The following XCR1 variants were observed in gnomAD, a reference collection of about 807,000 sequenced individuals.
The protein encoded by XCR1 is X-C motif chemokine receptor 1.
For missense variants in XCR1, 356 were observed against 424.2 expected (o/e 0.84, Z 1.41); for synonymous variants, 187 against 188.5 (o/e 0.99, Z 0.06).
intron 1 of XCR1, 125 bp from the exon 2 acceptor site, chr3:46,022,103 C>A: frequency 2.4e-6 from 2 of 827,558 alleles, no homozygotes; most frequent in South Asian, 2.0e-5. Context: ...AGTTTGAGAC[C>A]ATCCCAGGCA....
chr3:46,028,654 T>C (rs1708344407), upstream of XCR1, among the ~76,000 whole-genome samples: 1 of 151,804 alleles, frequency 6.6e-6, no homozygotes, highest in Admixed American at 6.6e-5. Context: ...TTCAGTGGCA[T>C]GATCAGCTCA....
chr3:46,029,402 C>T (rs1366099786), upstream of XCR1, among the ~76,000 whole-genome samples: 2 of 152,096 alleles, frequency 1.3e-5, no homozygotes, highest in African/African-American at 4.8e-5. Context: ...ACCATGTTTC[C>T]CAGGCTGGTC....
At chr3:46,023,312 G>C in intron 1 of XCR1, 1 of 928,488 alleles carries the variant, frequency 1.1e-6, no homozygotes, top group Non-Finnish European at 1.7e-6. Flanking sequence ...GTAATGGAAG[G>C]ACCCCTCAAC....
chr3:46,053,011 T>C (rs1043320075), intron 5 of XCR1, among the ~76,000 whole-genome samples: 2 of 152,214 alleles, frequency 1.3e-5, no homozygotes, highest in Non-Finnish European at 1.5e-5. Context: ...CATTACCCAA[T>C]AGCATATCCT....
At chr3:46,059,813 T>C (rs774142480) in intron 4 of XCR1, among the ~76,000 whole-genome samples, 8 of 152,240 alleles carry the variant, frequency 5.3e-5, no homozygotes, top group Non-Finnish European at 1.0e-4. Context: ...GAAGAATGGA[T>C]ATCTACAGCT....
intron 5 of XCR1, among the ~76,000 whole-genome samples, chr3:46,052,381 AG>A (rs560776101): frequency 8.7e-4 from 132 of 152,218 alleles, no homozygotes; most frequent in African/African-American, 2.9e-3. Context: ...ATTTCCCAAC[AG>A]GGGGGTGCCA....
Position 46,020,916 on chromosome 3 carries a change from T to C in XCR1, c.*30A>G. 1 of 1,595,184 alleles carries C rather than the reference T, an allele frequency of 6.3e-7. No homozygotes were observed. Among genetic ancestry groups the C allele is most frequent in the Non-Finnish European group, 8.5e-7 (1 of 1,170,472 alleles). Reference sequence around the variant, plus strand: ...ACCCCCATTCCAGTCCCTGTCCACCTGCACCTGCGCCTGCACCGCCACAGG... The same window carrying C: ...ACCCCCATTCCAGTCCCTGTCCACCCGCACCTGCGCCTGCACCGCCACAGG... On this transcript the variant is annotated 3_prime_UTR_variant, in exon 2 of 2. Transcript: ENST00000309285.
chr3:46,028,648 G>A (rs1575412285), upstream of XCR1, among the ~76,000 whole-genome samples: 2 of 150,490 alleles, frequency 1.3e-5, no homozygotes, highest in South Asian at 4.2e-4. Context: ...CCTGAATTCA[G>A]TGGCATGATC....
chr3:46,032,851 A>C (rs892018385), intron 5 of XCR1, among the ~76,000 whole-genome samples: 3 of 152,196 alleles, frequency 2.0e-5, no homozygotes, highest in African/African-American at 7.2e-5. Flanking sequence ...CCTCATTGAC[A>C]TTTTAATTTG....
chr3:46,041,786 A>T (rs1697541045), intron 5 of XCR1, among the ~76,000 whole-genome samples: 1 of 152,244 alleles, frequency 6.6e-6, no homozygotes, highest in Non-Finnish European at 1.5e-5. Context: ...TCACCAGATC[A>T]TAGTATTCAG....
intron 1 of XCR1, among the ~76,000 whole-genome samples, chr3:46,079,337 G>GA (rs1698316743): frequency 6.6e-6 from 1 of 152,040 alleles, no homozygotes; most frequent in African/African-American, 2.4e-5. Flanking sequence ...GCACAATAGA[G>GA]AAAAAAGCTG....
At chr3:46,052,129 TA>T (rs1410888095) in intron 5 of XCR1, among the ~76,000 whole-genome samples, 1 of 152,234 alleles carries the variant, frequency 6.6e-6, no homozygotes, top group Non-Finnish European at 1.5e-5. Context: ...GGCTTTTGCC[TA>T]AAATTAGTCC....
At chr3:46,068,773 A>C (rs1413750992) in intron 3 of XCR1, among the ~76,000 whole-genome samples, 2 of 128,710 alleles carry the variant, frequency 1.6e-5, no homozygotes, top group East Asian at 4.9e-4. Context: ...GGGTGTCAAC[A>C]TCATGGACGT....
At chr3:46,023,102 G>A (rs1214422860) in intron 1 of XCR1, among the ~76,000 whole-genome samples, 3 of 152,208 alleles carry the variant, frequency 2.0e-5, no homozygotes, top group East Asian at 1.9e-4. Context: ...ACACCAGCGC[G>A]TGTGACGTCA....
At chr3:46,070,323 C>T (rs954453022) in intron 3 of XCR1, among the ~76,000 whole-genome samples, 1 of 151,942 alleles carries the variant, frequency 6.6e-6, no homozygotes, top group African/African-American at 2.4e-5. Flanking sequence ...CAATTTAAGT[C>T]CAATGTTTCT....
At chr3:46,023,778 A>G in intron 1 of XCR1, 1 of 1,543,182 alleles carries the variant, frequency 6.5e-7, no homozygotes, top group South Asian at 1.1e-5. Context: ...GCAAAGCCCC[A>G]GAAGATGATA....
intron 1 of XCR1, among the ~76,000 whole-genome samples, chr3:46,077,072 C>G (rs912558437): frequency 6.6e-6 from 1 of 152,160 alleles, no homozygotes; most frequent in Non-Finnish European, 1.5e-5. Flanking sequence ...GCTGTGGGCT[C>G]TGGACTAACT....
chr3:46,075,719 A>G (rs544214411), intron 2 of XCR1, among the ~76,000 whole-genome samples: 4 of 152,326 alleles, frequency 2.6e-5, no homozygotes, highest in South Asian at 2.1e-4. Context: ...CAACCAATTC[A>G]GTTAAAAAAT....
chr3:46,056,623 G>C (rs543748374), intron 4 of XCR1, among the ~76,000 whole-genome samples: 4 of 151,472 alleles, frequency 2.6e-5, no homozygotes, highest in Admixed American at 2.0e-4. Flanking sequence ...ACAGGCGCAT[G>C]CCACCACACC....
Sources: gnomAD v4.1 joint callset for allele counts (sites outside exome capture counted in the v4.1 genomes callset) on GRCh38, gnomAD v4.1.1 for gene constraint, MANE v1.5 for transcripts, NCBI Gene and HGNC (gene_info 2026-07-23, HGNC 2026-07-21) for gene names.